The following FMO1 variants were observed in gnomAD, a reference collection of about 807,000 sequenced individuals.
The protein encoded by FMO1 is flavin containing dimethylaniline monoxygenase 1.
A neutral mutation model predicts 45.4 loss-of-function variants in FMO1; 36 were observed. The ratio of observed to expected loss-of-function variants is 0.79; its 90% CI spans 0.61 to 1.05. The LOEUF is 1.05. Among genes scored for constraint, FMO1 ranks in the 50% least tolerant of loss-of-function variants. The pLI is 0.00. For synonymous variants in FMO1, 228 were observed against 227.2 expected, an observed-to-expected ratio of 1.00 and a Z score of -0.03; for missense variants, 615 against 640.3, an observed-to-expected ratio of 0.96 and a Z score of 0.43.
chr1:171,258,251 A>G, intron 2 of FMO1, 32 bp downstream of exon 2: 1 of 1,605,720 alleles, frequency 6.2e-7, no homozygotes, highest in Non-Finnish European at 8.5e-7. Context: ...TTATCTGTCT[A>G]TTGGAGAATG....
At chr1:171,265,880 G>C (rs1320636630) in intron 2 of FMO1, among the ~76,000 whole-genome samples, 1 of 152,178 alleles carries the variant, frequency 6.6e-6, no homozygotes, top group Non-Finnish European at 1.5e-5. Flanking sequence ...AGAGAAAGGA[G>C]GCTCACAGAG....
At chr1:171,278,953 T>A in intron 5 of FMO1, 82 bp downstream of exon 5, 1 of 1,092,984 alleles carries the variant, frequency 9.1e-7, no homozygotes. Flanking sequence ...CCATGATAAA[T>A]GTTAAAGGAA....
intron 8 of FMO1, among the ~76,000 whole-genome samples, chr1:171,284,728 T>TA (rs36009487): frequency 0.031 from 3,331 of 106,706 alleles, 52 homozygotes; most frequent in African/African-American, 0.044. Flanking sequence ...CAAGACCTTG[T>TA]AAAAAAAAAA....
At chr1:171,283,547 C>T (rs1334150923) in intron 8 of FMO1, among the ~76,000 whole-genome samples, 1 of 152,004 alleles carries the variant, frequency 6.6e-6, no homozygotes, top group African/African-American at 2.4e-5. Context: ...TACATTATTC[C>T]ATATCTTATC....
intron 1 of FMO1, among the ~76,000 whole-genome samples, chr1:171,253,485 T>C (rs151095454): frequency 1.4e-4 from 22 of 151,900 alleles, no homozygotes; most frequent in African/African-American, 5.3e-4. Flanking sequence ...CTGGGCAACA[T>C]AGTGAGACCT....
chr1:171,250,102 C>T (rs1659818466), intron 1 of FMO1, among the ~76,000 whole-genome samples: 1 of 152,096 alleles, frequency 6.6e-6, no homozygotes, highest in Admixed American at 6.6e-5. Flanking sequence ...GTTTTTTGAA[C>T]AAGTAATATA....
At chr1:171,277,614 G>A (rs965013139) in intron 4 of FMO1, among the ~76,000 whole-genome samples, 1 of 152,130 alleles carries the variant, frequency 6.6e-6, no homozygotes, top group Non-Finnish European at 1.5e-5. Flanking sequence ...CCTATCCAAA[G>A]AGAATCTAAA....
intron 2 of FMO1, among the ~76,000 whole-genome samples, chr1:171,262,453 AATG>A (rs1430107762): frequency 1.3e-5 from 2 of 152,100 alleles, no homozygotes; most frequent in Non-Finnish European, 2.9e-5. Flanking sequence ...CCCTCCCTAG[AATG>A]ATATTTTCCT....
At chr1:171,269,183 G>A (rs866341321) in intron 3 of FMO1, among the ~76,000 whole-genome samples, 26 of 152,306 alleles carry the variant, frequency 1.7e-4, no homozygotes, top group Middle Eastern at 3.4e-3. Context: ...ATTGGTACCA[G>A]TAGAGTGGGG....
chr1:171,261,898 T>G (rs1018938782), intron 2 of FMO1, among the ~76,000 whole-genome samples: 1 of 151,616 alleles, frequency 6.6e-6, no homozygotes, highest in East Asian at 1.9e-4. Context: ...GGAGAGAGGG[T>G]GGAAACCATT....
At position 171,280,786 on chromosome 1, in the gene FMO1, G is replaced by A; in HGVS notation, c.628G>A (p.Val210Met). The A allele has an allele frequency of 6.2e-7, 1 of 1,611,894 alleles. No homozygotes were observed. Among genetic ancestry groups the A allele is most frequent in the Non-Finnish European group, 8.5e-7 (1 of 1,179,416 alleles). The part of the protein sequence containing the change: ...AVEASHLAEK[V>M]FLSTTGGGWV... The stretch of plus-strand genomic sequence containing the variant: ...AAGGGATGTCTTTGATTGCTTCCAG[G>A]TGTTCCTCAGCACCACCGGAGGGGG... The change falls in exon 6 of 9, where the codon GTG becomes ATG. Residue 210 changes from valine to methionine, a missense_variant and splice_region_variant. Coordinates refer to ENST00000617670, the MANE Select transcript of FMO1 (RefSeq NM_001282693.2).
At position 171,263,490 on chromosome 1, in the gene FMO1, C is replaced by T. The variant is rs559704551; in HGVS notation, c.133-4053C>T. Among the ~76,000 whole-genome samples, 447 of 152,284 alleles carry T rather than the reference C, an allele frequency of 2.9e-3. 2 individuals carry two copies. The highest frequency in any genetic ancestry group is 9.7e-3 in the African/African-American group (401 of 41,550). On this transcript the variant is annotated intron_variant, in intron 2 of 8. Coordinates refer to ENST00000617670, the MANE Select transcript of FMO1 (RefSeq NM_001282693.2). Reference sequence around the variant, plus strand: ...GCTCAAGAATCAGGCAAATCCTGGGCTGCGTCTCAAAGAGTCCCAGCAAGT... The same window carrying T: ...GCTCAAGAATCAGGCAAATCCTGGGTTGCGTCTCAAAGAGTCCCAGCAAGT...
intron 4 of FMO1, 75 bp downstream of exon 4, chr1:171,275,583 A>C: frequency 9.3e-7 from 1 of 1,074,360 alleles, no homozygotes; most frequent in Middle Eastern, 2.1e-4. Flanking sequence ...CTGGGAATGA[A>C]TTCCTATGGC....
chr1:171,259,502 T>C (rs950325898), intron 2 of FMO1, among the ~76,000 whole-genome samples: 1 of 152,246 alleles, frequency 6.6e-6, no homozygotes, highest in East Asian at 1.9e-4. Context: ...TCAAACATGA[T>C]GCCTTTCCCC....
chr1:171,253,889 A>G (rs1012116339), intron 1 of FMO1: 4 of 152,222 alleles, frequency 2.6e-5, no homozygotes, highest in Admixed American at 6.5e-5. Context: ...GATGTTTAAC[A>G]AAAAGTTGTG....
At chr1:171,262,930 C>T (rs565767624) in intron 2 of FMO1, among the ~76,000 whole-genome samples, 62 of 152,164 alleles carry the variant, frequency 4.1e-4, no homozygotes, top group Non-Finnish European at 6.6e-4. Context: ...TGGGTGCCAG[C>T]TGTTTTAAGG....
chr1:171,271,008 TTCATCTTCC>T (rs1660837637), intron 3 of FMO1: 1 of 982,568 alleles, frequency 1.0e-6, no homozygotes, highest in African/African-American at 1.6e-5. Flanking sequence ...CATAATCTTC[TTCATCTTCC>T]TCATCTTCCT....
chr1:171,266,349 C>A (rs572300047), intron 2 of FMO1, among the ~76,000 whole-genome samples: 40 of 152,274 alleles, frequency 2.6e-4, no homozygotes, highest in South Asian at 4.1e-4. Flanking sequence ...TAGTAACAAA[C>A]CATTCATATC....
intron 8 of FMO1, 41 bp downstream of exon 8, chr1:171,283,257 GAAATTGGTAAAAAAAAAAAAAA>G: frequency 6.2e-6 from 1 of 161,968 alleles, no homozygotes; most frequent in Admixed American, 7.9e-5. Context: ...AATTATAACT[GAAATTGGTAAAAAAAAAAAAAA>G]AAAAAAAAAA....
Sources: gnomAD v4.1 joint callset for allele counts (sites outside exome capture counted in the v4.1 genomes callset) on GRCh38, gnomAD v4.1.1 for gene constraint, MANE v1.5 for transcripts, NCBI Gene and HGNC (gene_info 2026-07-23, HGNC 2026-07-21) for gene names.